EPHA3: variants seen among roughly 807,000 people sequenced by gnomAD.
EPHA3 encodes ephrin type-A receptor 3.
A neutral mutation model predicts 107.1 loss-of-function variants in EPHA3; 42 were observed. The observed-to-expected ratio is 0.39, with a 90% CI of 0.31 to 0.51. The LOEUF (loss-of-function observed/expected upper bound fraction) is 0.51, where lower values mean the gene tolerates loss of function less well. Ranked by LOEUF, EPHA3 falls within the 20% of genes least tolerant of loss-of-function variation. EPHA3 has a pLI of 0.78. For missense variants in EPHA3, 1,183 were observed against 1,211.2 expected (o/e 0.98, Z 0.35); for synonymous variants, 461 against 424.8 (o/e 1.09, Z -1.05).
intron 3 of EPHA3, among the ~76,000 whole-genome samples, chr3:89,316,505 A>AATAT (rs58576798): frequency 0.15 from 15,716 of 103,676 alleles, 1,355 homozygotes; most frequent in Non-Finnish European, 0.2. Flanking sequence ...GTGTGTGTGT[A>AATAT]ATATATATAT....
chr3:89,264,422 C>T (rs1325889959), intron 3 of EPHA3, among the ~76,000 whole-genome samples: 2 of 152,110 alleles, frequency 1.3e-5, no homozygotes, highest in African/African-American at 4.8e-5. Context: ...CTGGTCAGCC[C>T]TGTCCTACGT....
At chr3:89,246,512 C>T (rs1705037679) in intron 3 of EPHA3, among the ~76,000 whole-genome samples, 1 of 152,132 alleles carries the variant, frequency 6.6e-6, no homozygotes, top group South Asian at 2.1e-4. Flanking sequence ...ATAGGTCTGG[C>T]CCCCTGCTGG....
chr3:89,107,906 C>G (rs1280032985), intron 1 of EPHA3, 70 bp downstream of exon 1: 2 of 1,474,940 alleles, frequency 1.4e-6, no homozygotes, highest in African/African-American at 1.4e-5. Flanking sequence ...ACGTTCTCAC[C>G]GAAGCCTTGC....
In EPHA3 at chr3:89,210,030, C is replaced by T. The variant is rs570064420; in HGVS notation, c.324C>T (p.Ser108=). Residue 108 remains serine (S), a synonymous_variant, in exon 3 of 17, where the codon AGC becomes AGT. Transcript: ENST00000336596. The part of the protein sequence containing the change: ...ELKFTLRDCN[S]IPLVLGTCKE... ...AGTTCACTCTACGAGACTGCAATAG[C>T]ATTCCATTGGTTTTAGGAACTTGCA... 10 of 1,614,032 alleles carry T rather than the reference C, an allele frequency of 6.2e-6. No individual in the cohort carries two copies. In the Admixed American group the frequency reaches 6.7e-5, roughly 11 times the overall value.
chr3:89,316,550 ATATACCTTTTTCC>A (rs1426607058), intron 3 of EPHA3, among the ~76,000 whole-genome samples: 10 of 141,296 alleles, frequency 7.1e-5, no homozygotes, highest in Non-Finnish European at 1.5e-4. Flanking sequence ...AGAAAAGGGT[ATATACCTTTTTCC>A]TATGCCCTAA....
intron 3 of EPHA3, among the ~76,000 whole-genome samples, chr3:89,229,678 A>G (rs1704583972): frequency 6.6e-6 from 1 of 151,960 alleles, no homozygotes; most frequent in Admixed American, 6.6e-5. Context: ...ATATTTGATT[A>G]CTGCAATATA....
chr3:89,315,063 A>T (rs1706861958), intron 3 of EPHA3, among the ~76,000 whole-genome samples: 1 of 151,888 alleles, frequency 6.6e-6, no homozygotes, highest in African/African-American at 2.4e-5. Flanking sequence ...ATATCTAAAC[A>T]TAGAAAAGGT....
chr3:89,302,229 A>C (rs1222046162), intron 3 of EPHA3, among the ~76,000 whole-genome samples: 1 of 152,112 alleles, frequency 6.6e-6, no homozygotes, highest in Non-Finnish European at 1.5e-5. Flanking sequence ...AGGCAATCAT[A>C]TTCATATTGT....
chr3:89,215,638 A>T (rs1248953319), intron 3 of EPHA3, among the ~76,000 whole-genome samples: 1 of 151,914 alleles, frequency 6.6e-6, no homozygotes, highest in Non-Finnish European at 1.5e-5. Flanking sequence ...AAGTTAAATG[A>T]TCAGCAATGA....
At chr3:89,324,061 A>G (rs569463925) in intron 3 of EPHA3, among the ~76,000 whole-genome samples, 2 of 152,038 alleles carry the variant, frequency 1.3e-5, no homozygotes, top group Admixed American at 6.6e-5. Flanking sequence ...TCCAAATTAT[A>G]ACTCCTGTGC....
Position 89,311,749 on chromosome 3 carries a change from A to T in EPHA3, c.815-29167A>T, listed in dbSNP as rs1400777316. On this transcript the variant is annotated intron_variant, in intron 3 of 16. Coordinates refer to ENST00000336596, the MANE Select transcript of EPHA3 (RefSeq NM_005233.6). ...CTCTGGAATTGTTTATTGAGTGTCTACATCATTAAAACTTCCAAGGGACTC... is the reference window on the plus strand; with the variant it reads ...CTCTGGAATTGTTTATTGAGTGTCTTCATCATTAAAACTTCCAAGGGACTC... 3.3e-5 allele frequency among the ~76,000 whole-genome samples: 5 copies of T among 152,158 alleles called. No individual in the cohort carries two copies. The East Asian group carries it at 9.7e-4, about 29-fold the overall frequency.
At chr3:89,430,705 G>A (rs1217989830) in intron 12 of EPHA3, among the ~76,000 whole-genome samples, 1 of 152,050 alleles carries the variant, frequency 6.6e-6, no homozygotes, top group Non-Finnish European at 1.5e-5. Flanking sequence ...TTATGATAAT[G>A]TTTAAAAATG....
At chr3:89,219,314 C>T (rs933661245) in intron 3 of EPHA3, among the ~76,000 whole-genome samples, 12 of 152,060 alleles carry the variant, frequency 7.9e-5, no homozygotes, top group South Asian at 2.1e-4. Flanking sequence ...CAGGCATGTG[C>T]CACCCTGCTC....
intron 2 of EPHA3, among the ~76,000 whole-genome samples, chr3:89,169,130 A>G (rs1348420674): frequency 6.6e-6 from 1 of 152,198 alleles, no homozygotes; most frequent in Admixed American, 6.5e-5. Context: ...ACCTGAGTGA[A>G]AAGAATTAGA....
At chr3:89,183,296 C>T (rs1410104300) in intron 2 of EPHA3, among the ~76,000 whole-genome samples, 4 of 151,918 alleles carry the variant, frequency 2.6e-5, no homozygotes, top group African/African-American at 9.7e-5. Context: ...CTAATCTCTT[C>T]CCACTGTCTC....
At chr3:89,161,633 G>T (rs1704944856) in intron 2 of EPHA3, among the ~76,000 whole-genome samples, 1 of 152,002 alleles carries the variant, frequency 6.6e-6, no homozygotes, top group Non-Finnish European at 1.5e-5. Context: ...AACAAAAACA[G>T]TGGCTGTAAT....
intron 2 of EPHA3, among the ~76,000 whole-genome samples, chr3:89,182,438 C>G (rs1705461552): frequency 6.6e-6 from 1 of 151,802 alleles, no homozygotes; most frequent in South Asian, 2.1e-4. Flanking sequence ...GCATTGATAG[C>G]TTGGTGTAGG....
intron 1 of EPHA3, among the ~76,000 whole-genome samples, chr3:89,118,445 TA>T (rs544482918): frequency 4.6e-5 from 7 of 151,990 alleles, no homozygotes; most frequent in African/African-American, 1.7e-4. Flanking sequence ...GGAAGAAAAC[TA>T]AAAAGATATA....
chr3:89,408,593 TA>T (rs1467700069), intron 9 of EPHA3, among the ~76,000 whole-genome samples: 1 of 152,158 alleles, frequency 6.6e-6, no homozygotes, highest in Non-Finnish European at 1.5e-5. Flanking sequence ...ATAAACTGTT[TA>T]TTTTGCAGTT....
Sources: allele counts gnomAD v4.1 joint callset (sites outside exome capture counted in the v4.1 genomes callset), GRCh38; gene constraint gnomAD v4.1.1; transcripts MANE v1.5; gene names NCBI Gene and HGNC (gene_info 2026-07-23, HGNC 2026-07-21).